IMPG1: variants seen among roughly 807,000 people sequenced by gnomAD.
The protein encoded by IMPG1 is interphotoreceptor matrix proteoglycan of 150 kDa.
In IMPG1, 85 loss-of-function variants were observed where a neutral mutation model predicts 92.0. The ratio of observed to expected loss-of-function variants is 0.92; its 90% CI spans 0.78 to 1.11. The LOEUF (loss-of-function observed/expected upper bound fraction) is 1.11. IMPG1 is among the 50% of genes least tolerant of loss of function. IMPG1 has a pLI of 0.00. For missense variants in IMPG1, 1,022 were observed against 956.0 expected (o/e 1.07, Z -0.91); for synonymous variants, 367 against 334.1 (o/e 1.10, Z -1.08).
intron 1 of IMPG1, among the ~76,000 whole-genome samples, chr6:76,050,672 T>C (rs1562384431): frequency 6.6e-6 from 1 of 152,184 alleles, no homozygotes; most frequent in South Asian, 2.1e-4. Context: ...ATAGGCTGCT[T>C]ACAAAGTTTC....
At chr6:75,946,282 A>T (rs1170963675) in intron 14 of IMPG1, among the ~76,000 whole-genome samples, 2 of 152,246 alleles carry the variant, frequency 1.3e-5, no homozygotes, top group Non-Finnish European at 2.9e-5. Flanking sequence ...CAATTTGCTT[A>T]AAGTTGCTCA....
chr6:76,023,041 G>A (rs765777435), intron 5 of IMPG1, among the ~76,000 whole-genome samples: 29 of 152,218 alleles, frequency 1.9e-4, no homozygotes, highest in African/African-American at 2.6e-4. Flanking sequence ...GGGAATCTGC[G>A]GTCACAAGTG....
chr6:76,068,700 A>G (rs1784353239), intron 1 of IMPG1, among the ~76,000 whole-genome samples: 1 of 151,636 alleles, frequency 6.6e-6, no homozygotes. Flanking sequence ...TATTTTTAGT[A>G]TAGGTGGGGT....
chr6:76,009,413 A>G (rs1240587008), intron 8 of IMPG1, among the ~76,000 whole-genome samples: 1 of 152,250 alleles, frequency 6.6e-6, no homozygotes, highest in Non-Finnish European at 1.5e-5. Flanking sequence ...GAGGACAGTC[A>G]GTACCAGGAG....
At chr6:75,958,642 G>T (rs1290871919) in intron 12 of IMPG1, among the ~76,000 whole-genome samples, 1 of 151,698 alleles carries the variant, frequency 6.6e-6, no homozygotes, top group Non-Finnish European at 1.5e-5. Flanking sequence ...TTCAACCTCT[G>T]ACATCCTTTC....
At chr6:75,955,889 T>C (rs1422302431) in intron 12 of IMPG1, among the ~76,000 whole-genome samples, 1 of 152,228 alleles carries the variant, frequency 6.6e-6, no homozygotes, top group Non-Finnish European at 1.5e-5. Flanking sequence ...TCTGTTTATG[T>C]GATGGGATAC....
intron 12 of IMPG1, among the ~76,000 whole-genome samples, chr6:75,977,241 T>C (rs1251646964): frequency 6.6e-6 from 1 of 152,164 alleles, no homozygotes; most frequent in Admixed American, 6.5e-5. Flanking sequence ...TTAATTAATC[T>C]TTTCTTACAG....
chr6:76,041,827 T>G, intron 2 of IMPG1, 66 bp downstream of exon 2: 1 of 1,075,820 alleles, frequency 9.3e-7, no homozygotes, highest in Admixed American at 1.8e-5. Flanking sequence ...AAAGACAACC[T>G]ATGGATGAAT....
chr6:75,959,798 G>A (rs1275533653), intron 12 of IMPG1, among the ~76,000 whole-genome samples: 1 of 152,222 alleles, frequency 6.6e-6, no homozygotes, highest in East Asian at 1.9e-4. Context: ...AGCTTGCTGG[G>A]CTCCATGGGG....
At position 76,002,974 on chromosome 6, in the gene IMPG1, A is replaced by G. The variant is rs41269327; in HGVS notation, c.1235T>C (p.Leu412Pro). The G allele has an allele frequency of 1.0e-4, 164 of 1,613,544 alleles. 2 individuals carry two copies. The African/African-American group carries it at 1.5e-3, about 15-fold the overall frequency. Reference protein sequence around the residue: ...ITEDATLSPELPPVEPQLETV... With the variant: ...ITEDATLSPEPPPVEPQLETV... ...CTCAAGCTGGGGTTCAACAGGAGGA[A>G]GTTCTGGACTCAAAGTAGCATCCTG... Residue 412 changes from leucine to proline, a missense_variant, in exon 12 of 17, where the codon CTT (leucine) becomes CCT (proline). By Grantham distance (98) the Leu-to-Pro change is moderately conservative (BLOSUM62 -3). This residue lies in a region of IMPG1 where 681 missense variants were observed against 583.6 expected (regional missense o/e 1.17). Transcript: ENST00000369950.
rs138256262 is a variant in IMPG1, at chr6:75,992,450, C to T, written c.1291+10468G>A. 7.9e-5 allele frequency among the ~76,000 whole-genome samples: 12 copies of T among 152,314 alleles called. No homozygotes were observed. The East Asian group carries it at 2.3e-3, about 29-fold the overall frequency. Reference sequence around the variant, plus strand: ...TTCATGGTGATCCAGACTCTTTGACCTATCCTTCTCCATCCACCATTATCC... The same window carrying T: ...TTCATGGTGATCCAGACTCTTTGACTTATCCTTCTCCATCCACCATTATCC... On this transcript the variant is annotated intron_variant, in intron 12 of 16. Transcript: ENST00000369950.
Position 76,005,376 on chromosome 6 carries a change from T to C in IMPG1, c.1046A>G (p.Tyr349Cys), listed in dbSNP as rs139816946. Residue 349 changes from tyrosine to cysteine, a missense_variant, in exon 10 of 17, where the codon TAT becomes TGT. Tyr to Cys is a radical substitution (Grantham distance 194). Coordinates refer to ENST00000369950, the MANE Select transcript of IMPG1 (RefSeq NM_001563.4). ...TMEEDKQPEI[Y>C]LTATDLKRLI... ...CCTTTTGAGGTCTGTAGCTGTGAGA[T>C]AGATTTCTGGTTGCTTGTCCTCCTC... 84 of 1,613,970 alleles carry C rather than the reference T, an allele frequency of 5.2e-5. No individual in the cohort carries two copies. The East Asian group carries it at 1.0e-3, about 19-fold the overall frequency.
intron 12 of IMPG1, among the ~76,000 whole-genome samples, chr6:75,958,665 G>T (rs893021639): frequency 1.3e-5 from 2 of 151,720 alleles, no homozygotes; most frequent in Non-Finnish European, 2.9e-5. Flanking sequence ...CCGCTTGACC[G>T]ATTCGCCCAT....
chr6:76,072,517 T>A lies in IMPG1; in HGVS notation c.-29A>T. On this transcript the variant is annotated 5_prime_UTR_variant, in exon 1 of 17. Transcript: ENST00000369950. ...GGCTTTTGTGCATTGGTAATTCTGA[T>A]AACAATCACAGAACAACCTCAAATC... The A allele has an allele frequency of 7.4e-7, 1 of 1,348,558 alleles. No individual in the cohort carries two copies. Among genetic ancestry groups the A allele is most frequent in the Non-Finnish European group, 1.0e-6 (1 of 953,916 alleles). 83.5% of individuals were successfully genotyped at this position (1,348,558 alleles called of 1,614,324 possible). A position where few individuals can be genotyped will look rare whatever the true frequency, so the allele number is the denominator to read the frequency against.
intron 14 of IMPG1, among the ~76,000 whole-genome samples, chr6:75,947,042 T>C (rs1292292378): frequency 6.6e-6 from 1 of 152,226 alleles, no homozygotes; most frequent in East Asian, 1.9e-4. Flanking sequence ...GCAAAAGTTT[T>C]GTTCTGATTA....
chr6:76,039,412 G>A (rs1783797009), intron 2 of IMPG1, among the ~76,000 whole-genome samples: 1 of 149,144 alleles, frequency 6.7e-6, no homozygotes, highest in African/African-American at 2.5e-5. Flanking sequence ...ATGGAGTGCA[G>A]TGACGTGATC....
chr6:75,947,025 A>G (rs1309222897), intron 14 of IMPG1, among the ~76,000 whole-genome samples: 2 of 152,158 alleles, frequency 1.3e-5, no homozygotes, highest in African/African-American at 4.8e-5. Context: ...AAAAACTCTT[A>G]AACACAGCAA....
chr6:76,060,403 A>T lies in IMPG1; in HGVS notation c.67+12019T>A, dbSNP rs9447594. ...AATTACAGCGGCACATTCTGCTGCT[A>T]GTTCAGAGCTTGACAGCAGCATTTC... On this transcript the variant is annotated intron_variant, in intron 1 of 16. Coordinates refer to ENST00000369950, the MANE Select transcript of IMPG1 (RefSeq NM_001563.4). 4.2e-3 allele frequency among the ~76,000 whole-genome samples: 646 copies of T among 152,320 alleles called. 5 individuals are homozygous for T. The highest frequency in any genetic ancestry group is 0.015 in the African/African-American group (618 of 41,576).
intron 1 of IMPG1, among the ~76,000 whole-genome samples, chr6:76,061,637 G>A (rs979555321): frequency 5.9e-5 from 9 of 152,168 alleles, no homozygotes; most frequent in Non-Finnish European, 1.3e-4. Flanking sequence ...ATAACCAAAT[G>A]TAATGTAAAA....
Sources: gnomAD v4.1 joint callset for allele counts (sites outside exome capture counted in the v4.1 genomes callset) on GRCh38, gnomAD v4.1.1 for gene constraint, gnomAD v4.1.1 regional missense constraint, MANE v1.5 for transcripts, NCBI Gene and HGNC (gene_info 2026-07-23, HGNC 2026-07-21) for gene names.